CCDC40: variants seen among roughly 807,000 people sequenced by gnomAD.
The protein encoded by CCDC40 is coiled-coil domain 40 molecular ruler complex subunit.
In CCDC40, 104 loss-of-function variants were observed where a neutral mutation model predicts 124.5. The ratio of observed to expected loss-of-function variants is 0.84; its 90% CI spans 0.71 to 0.98. The LOEUF is 0.98. CCDC40 is among the 50% of genes least tolerant of loss of function. The probability of loss-of-function intolerance (pLI) is 0.00; values close to 1 mark genes in which losing one functional copy is unlikely to be tolerated. For synonymous variants in CCDC40, 580 were observed against 602.9 expected (o/e 0.96, Z 0.56); for missense variants, 1,463 against 1,503.9 (o/e 0.97, Z 0.45).
rs374149773 is a variant in CCDC40 at position 80,065,626 on chromosome 17, A to G, written c.1562+20A>G. 2.5e-6 allele frequency: 4 copies of G among 1,611,380 alleles called. No individual in the cohort carries two copies. In the African/African-American group the frequency reaches 5.3e-5, roughly 22 times the overall value. On this transcript the variant is annotated intron_variant, in intron 10 of 19. Coordinates refer to ENST00000397545, the MANE Select transcript of CCDC40 (RefSeq NM_017950.4). Reference sequence around the variant, plus strand: ...GCTCAGGTACTGCAGGGCCACAGGCAGCGAGGATGTGCGGGAACCCCAGGG... The same window carrying G: ...GCTCAGGTACTGCAGGGCCACAGGCGGCGAGGATGTGCGGGAACCCCAGGG...
intron 5 of CCDC40, among the ~76,000 whole-genome samples, chr17:80,049,241 A>C (rs995702396): frequency 4.0e-5 from 4 of 100,052 alleles, no homozygotes; most frequent in Non-Finnish European, 7.6e-5. Context: ...CTAAAAATAC[A>C]AAAAAAAAAA....
chr17:80,068,778 G>A (rs145044881), intron 10 of CCDC40, among the ~76,000 whole-genome samples: 1 of 152,158 alleles, frequency 6.6e-6, no homozygotes, highest in African/African-American at 2.4e-5. Context: ...ACCAGAGCCT[G>A]ACGTGTAACT....
In CCDC40 at chr17:80,066,268, G is replaced by A. The variant is rs1316781510; in HGVS notation, c.1562+662G>A. ...GCACAGAGCCTGGCATACAGCAAGCGCTCAAGAAAGGCTGGACCAAGGAAT... is the reference window on the plus strand; with the variant it reads ...GCACAGAGCCTGGCATACAGCAAGCACTCAAGAAAGGCTGGACCAAGGAAT... On this transcript the variant is annotated intron_variant, in intron 10 of 19. Transcript: ENST00000397545. This position sits in a 1 kb window ranked among gnomAD's most constrained non-coding sequence, Gnocchi z 4.4. 10 of 680,504 alleles carry A rather than the reference G, an allele frequency of 1.5e-5. No homozygotes were observed. Among genetic ancestry groups the A allele is most frequent in the Admixed American group, 4.2e-5 (2 of 47,878 alleles). 42.2% of individuals were successfully genotyped at this position (680,504 alleles called of 1,614,324 possible).
chr17:80,038,175 G>T lies in CCDC40; in HGVS notation c.82G>T (p.Glu28Ter). Reference sequence around the variant, plus strand: ...TGAGGGAGAGAAGGAAGGGAATAATGAAAGCCACATGGTAAAATTCCCTAT... The same window carrying T: ...TGAGGGAGAGAAGGAAGGGAATAATTAAAGCCACATGGTAAAATTCCCTAT... The part of the protein sequence containing the change: ...ASEGEKEGNN[E>*]SHMVSPPEKD... The change falls in exon 2 of 20, where the codon GAA (glutamate) becomes TAA (stop). Residue 28 changes from glutamate (E) to a stop codon, truncating the protein, a stop_gained. Coordinates refer to ENST00000397545, the MANE Select transcript of CCDC40 (RefSeq NM_017950.4). LOFTEE classifies it high-confidence loss of function. 1 of 1,605,360 alleles carries T rather than the reference G, an allele frequency of 6.2e-7. No homozygotes were observed. Among genetic ancestry groups the T allele is most frequent in the South Asian group, 1.1e-5 (1 of 90,840 alleles).
In CCDC40 at chr17:80,057,619, G is replaced by A. The variant is rs554750536; in HGVS notation, c.1160-875G>A. ...TGGCCGGGCGCGGTGGCTCATGCCT[G>A]TAATCCCAGCACTTTGGGAGGCCAA... On this transcript the variant is annotated intron_variant, in intron 7 of 19. Transcript: ENST00000397545. Among the ~76,000 whole-genome samples, 46 of 152,022 alleles carry A rather than the reference G, an allele frequency of 3.0e-4. No homozygotes were observed. The South Asian group carries it at 8.1e-3, about 27-fold the overall frequency.
At chr17:80,097,739 A>G in intron 19 of CCDC40, 1 of 342,580 alleles carries the variant, frequency 2.9e-6, no homozygotes, top group Non-Finnish European at 5.6e-6. Flanking sequence ...ATTTTAAAAG[A>G]TACAGTGTGT....
chr17:80,068,177 G>A (rs2038098863), intron 10 of CCDC40: 1 of 167,570 alleles, frequency 6.0e-6, no homozygotes, highest in Admixed American at 6.5e-5. Context: ...GGGATTACAG[G>A]CGTGCACCAC....
rs879645135 is a variant in CCDC40, at chr17:80,099,290, C to CA, written c.3181-225dup. ...TGGGCGACAGAGCAAGACTCCATCT[C>CA]AAAAAAAAAAAAGAATGCCTCCTAG... is the stretch of plus-strand genomic sequence containing the variant. On this transcript the variant is annotated intron_variant, in intron 19 of 19. Transcript: ENST00000397545. Among the ~76,000 whole-genome samples the CA allele has an allele frequency of 9.4e-3, 1,342 of 143,156 alleles. 23 individuals carry two copies. Among genetic ancestry groups the CA allele is most frequent in the African/African-American group, 0.031 (1,198 of 39,084 alleles). The allele number at this position is 143,156 out of a possible 152,430, so 93.9% of individuals were successfully genotyped here. A position where few individuals can be genotyped will look rare whatever the true frequency, so the allele number is the denominator to read the frequency against.
intron 12 of CCDC40, among the ~76,000 whole-genome samples, chr17:80,084,127 C>T (rs753762915): frequency 6.6e-6 from 1 of 152,136 alleles, no homozygotes; most frequent in Non-Finnish European, 1.5e-5. Context: ...GTGTGTGCTA[C>T]GATTTAAGAA....
chr17:80,097,314 C>G lies in CCDC40; in HGVS notation c.3091C>G (p.Leu1031Val). Residue 1031 changes from leucine to valine, a missense_variant, in exon 19 of 20, where the codon CTA (leucine) becomes GTA (valine). By Grantham distance (32) the Leu-to-Val change is conservative. Coordinates refer to ENST00000397545, the MANE Select transcript of CCDC40 (RefSeq NM_017950.4). ...ETQRNVSSSL[L>V]EKQEKLSVIQ... ...ACAAAGAAATGTGAGCAGCTCCCTC[C>G]TAGAGAAGCAGGAAAAGCTGTCGGT... 1.2e-6 allele frequency: 2 copies of G among 1,613,922 alleles called. No individual in the cohort carries two copies. Among genetic ancestry groups the G allele is most frequent in the Non-Finnish European group, 1.7e-6 (2 of 1,180,004 alleles).
rs2038589224 is a variant in CCDC40 at position 80,086,373 on chromosome 17, T to C, written c.2449+157T>C. 6 of 658,642 alleles carry C rather than the reference T, an allele frequency of 9.1e-6. No homozygotes were observed. Among genetic ancestry groups the C allele is most frequent in the Admixed American group, 7.1e-5 (3 of 42,162 alleles). The allele number at this position is 658,642 out of a possible 1,614,324, so 40.8% of individuals were successfully genotyped here. On this transcript the variant is annotated intron_variant, in intron 14 of 19. Coordinates refer to ENST00000397545, the MANE Select transcript of CCDC40 (RefSeq NM_017950.4). The surrounding 1 kb of genome is among the most constrained non-coding windows in gnomAD (Gnocchi z 5.5). The stretch of plus-strand genomic sequence containing the variant: ...GCGCATGCTCCCTGTATTTTGTAAA[T>C]GTGAACCACTGCCTGCCCAGCTGCC...
rs146646353 is a variant in CCDC40, at chr17:80,058,437, G to T, written c.1160-57G>T. 1 of 1,556,860 alleles carries T rather than the reference G, an allele frequency of 6.4e-7. No individual in the cohort carries two copies. Among genetic ancestry groups the T allele is most frequent in the African/African-American group, 1.4e-5 (1 of 73,954 alleles). On this transcript the variant is annotated intron_variant, in intron 7 of 19. Coordinates refer to ENST00000397545, the MANE Select transcript of CCDC40 (RefSeq NM_017950.4). The surrounding 1 kb of genome is among the most constrained non-coding windows in gnomAD (Gnocchi z 4.2). ...CCTCCTGGGTCTCTGCATGGGGGACGCTGGGACAGCCTCCCCACTCACTCT... is the reference window on the plus strand; with the variant it reads ...CCTCCTGGGTCTCTGCATGGGGGACTCTGGGACAGCCTCCCCACTCACTCT...
chr17:80,037,959 A>G (rs2037172817), intron 1 of CCDC40, 164 bp from the exon 2 acceptor site: 2 of 627,588 alleles, frequency 3.2e-6, no homozygotes, highest in Non-Finnish European at 6.0e-6. Flanking sequence ...CAGGCATGAT[A>G]TAGTGCTATG....
At chr17:80,099,076 A>G (rs2038864501) in intron 19 of CCDC40, among the ~76,000 whole-genome samples, 1 of 150,402 alleles carries the variant, frequency 6.6e-6, no homozygotes, top group Non-Finnish European at 1.5e-5. Flanking sequence ...AGGTCAGGAG[A>G]TCGAGACCAT....
chr17:80,093,238 G>C (rs1053244375), intron 17 of CCDC40, among the ~76,000 whole-genome samples: 32 of 152,146 alleles, frequency 2.1e-4, no homozygotes, highest in African/African-American at 7.5e-4. Context: ...GAGTGCAGTG[G>C]CACTCACATC....
At chr17:80,067,572 C>T in intron 10 of CCDC40, 1 of 1,535,476 alleles carries the variant, frequency 6.5e-7, no homozygotes, top group Non-Finnish European at 8.7e-7. Flanking sequence ...TACCACATGG[C>T]ATTCCGCTGG....
chr17:80,047,353 G>C lies in CCDC40; in HGVS notation c.627G>C (p.Gly209=), dbSNP rs758242176. ...GVQHRFRLSH[G]SDIESSDLEE... ...AGCACCGCTTCCGGCTGAGCCACGG[G>C]AGCGACATCGAGTCCTCAGACCTGG... Residue 209 remains glycine, a synonymous_variant, in exon 4 of 20, where the codon GGG becomes GGC. Transcript: ENST00000397545. 83 of 1,613,632 alleles carry C rather than the reference G, an allele frequency of 5.1e-5. No homozygotes were observed. The highest frequency in any genetic ancestry group is 1.2e-4 in the Admixed American group (7 of 59,996).
chr17:80,099,641 C>A lies in CCDC40; in HGVS notation c.3295C>A (p.Arg1099Ser), dbSNP rs774039775. 1 of 1,613,874 alleles carries A rather than the reference C, an allele frequency of 6.2e-7. No individual in the cohort carries two copies. The highest frequency in any genetic ancestry group is 8.5e-7 in the Non-Finnish European group (1 of 1,180,018). The change falls in exon 20 of 20, where the codon CGC becomes AGC. Residue 1099 changes from arginine (R) to serine (S), a missense_variant. Transcript: ENST00000397545. Reference protein sequence around the residue: ...SKQSLVLERQRLDKRLALIAT... With the variant: ...SKQSLVLERQSLDKRLALIAT... The stretch of plus-strand genomic sequence containing the variant: ...GCAGTCCCTAGTGCTGGAGCGCCAG[C>A]GCCTGGACAAGCGACTGGCTCTCAT...
In CCDC40 at chr17:80,081,662, C is replaced by T. The variant is rs779895005; in HGVS notation, c.1679C>T (p.Thr560Met). 9.3e-6 allele frequency: 15 copies of T among 1,614,082 alleles called. 1 individual carries two copies. Among genetic ancestry groups the T allele is most frequent in the Admixed American group, 1.7e-5 (1 of 60,002 alleles). The change falls in exon 11 of 20, where the codon ACG becomes ATG. Residue 560 changes from threonine to methionine, a missense_variant. Thr to Met is a moderately conservative substitution (Grantham distance 81). Transcript: ENST00000397545. Reference protein sequence around the residue: ...KLASILNRTETEATLLQKLTT... With the variant: ...KLASILNRTEMEATLLQKLTT... ...GCGAGCATCCTGAACCGGACAGAGA[C>T]GGAAGCCACACTGCTGCAGAAGCTC...
Sources: gnomAD v4.1 joint callset for allele counts (sites outside exome capture counted in the v4.1 genomes callset) on GRCh38, gnomAD v4.1.1 for gene constraint, Gnocchi (gnomAD v3.1) non-coding constraint, MANE v1.5 for transcripts, NCBI Gene and HGNC (gene_info 2026-07-23, HGNC 2026-07-21) for gene names.